Variants in MCUB observed in about 807,000 individuals in gnomAD.
MCUB encodes the protein calcium uniporter regulatory subunit MCUb, mitochondrial.
In MCUB, 46 loss-of-function variants were observed where a neutral mutation model predicts 41.4. The ratio of observed to expected loss-of-function variants is 1.11; its 90% CI spans 0.88 to 1.42. MCUB has a LOEUF of 1.42. MCUB is among the 40% of genes most tolerant of loss of function. The pLI, the probability that MCUB is intolerant of heterozygous loss-of-function variation, is 0.00. For synonymous variants in MCUB, 148 were observed against 148.2 expected (o/e 1.00, Z 0.01); for missense variants, 403 against 404.9 (o/e 1.00, Z 0.04).
chr4:109,647,241 A>G (rs1212940542), intron 1 of MCUB, among the ~76,000 whole-genome samples: 1 of 152,140 alleles, frequency 6.6e-6, no homozygotes, highest in African/African-American at 2.4e-5. Flanking sequence ...TTGGTGTTGT[A>G]TATTCTATGG....
At chr4:109,613,936 T>A (rs1048718494) in intron 1 of MCUB, among the ~76,000 whole-genome samples, 1 of 152,214 alleles carries the variant, frequency 6.6e-6, no homozygotes, top group Admixed American at 6.5e-5. Context: ...GAAGTTGATA[T>A]AATCCACCAA....
At chr4:109,579,058 C>T (rs1170921426) in intron 1 of MCUB, among the ~76,000 whole-genome samples, 1 of 152,180 alleles carries the variant, frequency 6.6e-6, no homozygotes, top group Non-Finnish European at 1.5e-5. Context: ...CACTGATACA[C>T]TATACAGGGC....
chr4:109,592,893 A>C (rs1028679927), intron 1 of MCUB, among the ~76,000 whole-genome samples: 9 of 152,238 alleles, frequency 5.9e-5, no homozygotes, highest in Non-Finnish European at 1.5e-5. Context: ...TGAAAGCTCT[A>C]ATATACACAC....
In MCUB at chr4:109,601,422, A is replaced by G. The variant is rs147144891; in HGVS notation, c.99+40986A>G. ...TTACCCCTCCCAGCCTCTGGTAACC[A>G]TCCTTCTACTTTCTCTCTCCATGAG... On this transcript the variant is annotated intron_variant, in intron 1 of 7. Transcript: ENST00000394650. 4.3e-3 allele frequency among the ~76,000 whole-genome samples: 651 copies of G among 151,876 alleles called. 8 individuals are homozygous for G. Among genetic ancestry groups the G allele is most frequent in the African/African-American group, 0.014 (584 of 41,496 alleles).
intron 1 of MCUB, among the ~76,000 whole-genome samples, chr4:109,618,997 AACCTACCT>A (rs201511635): frequency 9.6e-4 from 118 of 122,870 alleles, no homozygotes; most frequent in Admixed American, 3.5e-3. Flanking sequence ...TCTACCTACC[AACCTACCT>A]ACCTACCTAC....
intron 1 of MCUB, among the ~76,000 whole-genome samples, chr4:109,649,831 C>A (rs961695567): frequency 6.6e-6 from 1 of 152,106 alleles, no homozygotes; most frequent in African/African-American, 2.4e-5. Context: ...GCCTCAGCCT[C>A]CCAAAGTGTT....
chr4:109,642,893 A>AT (rs34076028), intron 1 of MCUB, among the ~76,000 whole-genome samples: 10,783 of 110,990 alleles, frequency 0.097, 587 homozygotes, highest in African/African-American at 0.11. Flanking sequence ...TCTCAGCTAG[A>AT]TTTTTTTTTT....
intron 1 of MCUB, among the ~76,000 whole-genome samples, chr4:109,586,891 C>T (rs923404214): frequency 6.6e-6 from 1 of 152,194 alleles, no homozygotes; most frequent in African/African-American, 2.4e-5. Flanking sequence ...GGAGGTGTCT[C>T]CCAGTTAGGC....
chr4:109,642,969 A>G (rs1243049606), intron 1 of MCUB, among the ~76,000 whole-genome samples: 1 of 109,218 alleles, frequency 9.2e-6, no homozygotes, highest in South Asian at 2.7e-4. Flanking sequence ...AATTTTTTGT[A>G]TTTTTAATAG....
chr4:109,683,809 GA>G (rs1433217112), intron 5 of MCUB, among the ~76,000 whole-genome samples: 1 of 152,194 alleles, frequency 6.6e-6, no homozygotes, highest in African/African-American at 2.4e-5. Flanking sequence ...TGAATTCCTA[GA>G]AGTAGAATTG....
In MCUB at chr4:109,684,423, A is replaced by G. The variant is rs575900196; in HGVS notation, c.613-20A>G. The G allele has an allele frequency of 1.9e-6, 3 of 1,578,482 alleles. No homozygotes were observed. In the South Asian group the frequency reaches 3.5e-5, roughly 18 times the overall value. On this transcript the variant is annotated intron_variant, in intron 5 of 7. Coordinates refer to ENST00000394650, the MANE Select transcript of MCUB (RefSeq NM_017918.5). ...TGGTGTATTTGTAAACAGAATTAAC[A>G]GTTTTTCATTCCCCCTCAGGTGAAA... is the stretch of plus-strand genomic sequence containing the variant.
At chr4:109,610,614 T>C (rs185177983) in intron 1 of MCUB, among the ~76,000 whole-genome samples, 5 of 152,320 alleles carry the variant, frequency 3.3e-5, no homozygotes, top group African/African-American at 1.2e-4. Flanking sequence ...TTATGTGAGA[T>C]GTACATAAAA....
At chr4:109,682,783 C>G (rs758204871) in intron 5 of MCUB, 41 bp downstream of exon 5, 14 of 1,504,498 alleles carry the variant, frequency 9.3e-6, no homozygotes, top group Non-Finnish European at 1.3e-5. Context: ...AAAATAATAC[C>G]TAGTGTTTAT....
intron 1 of MCUB, among the ~76,000 whole-genome samples, chr4:109,614,244 G>T (rs761751318): frequency 1.3e-5 from 2 of 151,356 alleles, no homozygotes; most frequent in Non-Finnish European, 3.0e-5. Flanking sequence ...AATCAGCATT[G>T]AGTACAGCTC....
At chr4:109,561,535 G>A (rs1726637226) in intron 1 of MCUB, among the ~76,000 whole-genome samples, 1 of 152,102 alleles carries the variant, frequency 6.6e-6, no homozygotes, top group African/African-American at 2.4e-5. Flanking sequence ...GAATGAGGAA[G>A]GCCATGTTGT....
chr4:109,685,179 A>G, intron 6 of MCUB, 72 bp from the exon 7 acceptor site: 1 of 697,020 alleles, frequency 1.4e-6, no homozygotes, highest in Non-Finnish European at 2.5e-6. Context: ...TGCTGAGTCA[A>G]GTATCTTTCT....
intron 1 of MCUB, among the ~76,000 whole-genome samples, chr4:109,570,427 A>C (rs940920808): frequency 3.3e-5 from 5 of 152,236 alleles, no homozygotes; most frequent in Non-Finnish European, 7.3e-5. Context: ...ATGTTGGTCT[A>C]TGTCAGAGAT....
At chr4:109,582,559 A>T (rs1384359861) in intron 1 of MCUB, among the ~76,000 whole-genome samples, 1 of 28,538 alleles carries the variant, frequency 3.5e-5, no homozygotes, top group Non-Finnish European at 6.0e-5. Context: ...TCACAGTTTA[A>T]CAAAAAAAAA....
In MCUB at chr4:109,684,570, T is replaced by C. The variant is rs761018414; in HGVS notation, c.740T>C (p.Ile247Thr). Residue 247 changes from isoleucine (I) to threonine (T), a missense_variant, in exon 6 of 8, where the codon ATC (isoleucine) becomes ACC (threonine). Coordinates refer to ENST00000394650, the MANE Select transcript of MCUB (RefSeq NM_017918.5). ...ACGTGGTGGGTGTACTCCTGGGATA[T>C]CATGGAGCCAGTTACATACTTCATC... is the stretch of plus-strand genomic sequence containing the variant. ...WLTWWVYSWDIMEPVTYFITF... is the reference protein window; with the variant it reads ...WLTWWVYSWDTMEPVTYFITF... The C allele has an allele frequency of 6.2e-7, 1 of 1,605,622 alleles. No individual in the cohort carries two copies. Among genetic ancestry groups the C allele is most frequent in the South Asian group, 1.1e-5 (1 of 90,892 alleles).
Sources: allele counts gnomAD v4.1 joint callset (sites outside exome capture counted in the v4.1 genomes callset), GRCh38; gene constraint gnomAD v4.1.1; transcripts MANE v1.5; gene names NCBI Gene and HGNC (gene_info 2026-07-23, HGNC 2026-07-21).